The following GPR179 variants were observed in gnomAD, a reference collection of about 807,000 sequenced individuals.
The protein encoded by GPR179 is G protein-coupled receptor 179.
Under a neutral mutation model 70.8 loss-of-function variants are expected in GPR179, and 52 were observed. The ratio of observed to expected loss-of-function variants is 0.73; its 90% CI spans 0.59 to 0.93. GPR179 has a LOEUF of 0.93. GPR179 is among the 40% of genes least tolerant of loss of function. GPR179 has a pLI of 0.00. For missense variants in GPR179, 2,734 were observed against 2,966.8 expected (o/e 0.92, Z 1.82); for synonymous variants, 1,123 against 1,169.0 (o/e 0.96, Z 0.80).
In GPR179 at chr17:38,337,148, G is replaced by T; in HGVS notation, c.1057C>A (p.Leu353Met). 1 of 1,612,952 alleles carries T rather than the reference G, an allele frequency of 6.2e-7. No individual in the cohort carries two copies. The highest frequency in any genetic ancestry group is 8.5e-7 in the Non-Finnish European group (1 of 1,179,650). Residue 353 changes from leucine (L) to methionine (M), a missense_variant, in exon 4 of 11, where the codon CTG (leucine) becomes ATG (methionine). Transcript: ENST00000616987. ...TCAGGACATGGCAGACACTGCAGCA[G>T]TCTCCCAGATCTGCCTTCTGGGAAC... ...FGFPEGRSGRLLQCLPCPEGC... is the reference protein window; with the variant it reads ...FGFPEGRSGRMLQCLPCPEGC...
In GPR179 at chr17:38,329,650, G is replaced by A. The variant is rs765046358; in HGVS notation, c.3919C>T (p.Arg1307Trp). ...CTCACCAGCCTCTCTGGCTTTTTCC[G>A]CATCATGGGAACCACATCTATGGGC... ...SEPIDVVPMMRKKPERLVREQ... is the reference protein window; with the variant it reads ...SEPIDVVPMMWKKPERLVREQ... The change falls in exon 11 of 11, where the codon CGG (arginine) becomes TGG (tryptophan). Residue 1307 changes from arginine (R) to tryptophan (W), a missense_variant. Transcript: ENST00000616987. 3.1e-6 allele frequency: 5 copies of A among 1,613,990 alleles called. No homozygotes were observed. The highest frequency in any genetic ancestry group is 3.3e-5 in the Admixed American group (2 of 59,996).
chr17:38,332,108 C>T (rs1202826218), intron 10 of GPR179, among the ~76,000 whole-genome samples: 1 of 152,100 alleles, frequency 6.6e-6, no homozygotes, highest in Non-Finnish European at 1.5e-5. Context: ...CTCCCTGGCC[C>T]TTCAGCTGGA....
Position 38,327,464 on chromosome 17 carries a change from C to T in GPR179, c.6105G>A (p.Gln2035=). The change falls in exon 11 of 11, where the codon CAG becomes CAA. Residue 2035 remains glutamine (Q), a synonymous_variant. Transcript: ENST00000616987. ...CTTCTTGAGAGTCCCCTTTTCCATC[C>T]TGCCTTGACACCCCTTTGACAGGGA... ...ERIPVKGVSR[Q]DGKGDSQEEK... The T allele has an allele frequency of 6.2e-7, 1 of 1,614,228 alleles. No individual in the cohort carries two copies. The highest frequency in any genetic ancestry group is 1.1e-5 in the South Asian group (1 of 91,090).
In GPR179 at chr17:38,330,186, C is replaced by T. The variant is rs370214602; in HGVS notation, c.3383G>A (p.Arg1128Gln). 32 of 1,568,142 alleles carry T rather than the reference C, an allele frequency of 2.0e-5. No homozygotes were observed. Among genetic ancestry groups the T allele is most frequent in the Admixed American group, 1.6e-4 (9 of 54,692 alleles). ...TAGESMGAPSRSPRLGRPKAV... is the reference protein window; with the variant it reads ...TAGESMGAPSQSPRLGRPKAV... The stretch of plus-strand genomic sequence containing the variant: ...CTTGGGCCGGCCTAGCCTGGGCGAT[C>T]GGGAGGGTGCCCCCATACTCTCTCC... Residue 1128 changes from arginine (R) to glutamine (Q), a missense_variant, in exon 11 of 11, where the codon CGA becomes CAA. Transcript: ENST00000616987.
At chr17:38,336,027 G>A (rs747684487) in intron 5 of GPR179, 49 bp downstream of exon 5, 1 of 1,352,654 alleles carries the variant, frequency 7.4e-7, no homozygotes, top group Non-Finnish European at 1.1e-6. Flanking sequence ...CCAGGTTTTG[G>A]CTATGGGGGA....
At position 38,343,428 on chromosome 17, in the gene GPR179, G is replaced by A. The variant is rs981128467; in HGVS notation, c.362C>T (p.Ser121Phe). Reference sequence around the variant, plus strand: ...CCATTCCACATCCTCCTCCACACTGGACTCACGGATGTCGTTGGCTTGCAG... The same window carrying A: ...CCATTCCACATCCTCCTCCACACTGAACTCACGGATGTCGTTGGCTTGCAG... ...MLLQANDIRE[S>F]SVEEDVEWYQ... Residue 121 changes from serine to phenylalanine, a missense_variant, in exon 1 of 11, where the codon TCC becomes TTC. Transcript: ENST00000616987. This position sits in a 1 kb window ranked among gnomAD's most constrained non-coding sequence, Gnocchi z 4.2. 2 of 1,614,116 alleles carry A rather than the reference G, an allele frequency of 1.2e-6. No individual in the cohort carries two copies. Among genetic ancestry groups the A allele is most frequent in the Non-Finnish European group, 8.5e-7 (1 of 1,180,020 alleles).
rs11652443 is a variant in GPR179, at chr17:38,332,621, G to A, written c.2037+630C>T. ...GCTGGGGGCTGAGGCTTTTTTGTGT[G>A]TGTGTGTCAGAATCTTACTCTTTCA... is the stretch of plus-strand genomic sequence containing the variant. On this transcript the variant is annotated intron_variant, in intron 10 of 10. Coordinates refer to ENST00000616987, the MANE Select transcript of GPR179 (RefSeq NM_001004334.4). 4.3e-3 allele frequency among the ~76,000 whole-genome samples: 659 copies of A among 152,234 alleles called. 5 individuals are homozygous for A. The highest frequency in any genetic ancestry group is 6.2e-3 in the Non-Finnish European group (420 of 68,012).
Position 38,328,868 on chromosome 17 carries a change from GCT to G in GPR179, c.4699_4700del (p.Ser1567GlnfsTer32), listed in dbSNP as rs369324783. The G allele has an allele frequency of 5.0e-5, 80 of 1,613,380 alleles. No homozygotes were observed. The African/African-American group carries it at 9.2e-4, about 19-fold the overall frequency. On this transcript the variant is annotated frameshift_variant, in exon 11 of 11. Transcript: ENST00000616987. LOFTEE classifies it low-confidence loss of function (END_TRUNC). Reference sequence around the variant, plus strand: ...CCTGTGGACACACCTGCGTTGCTCTGCTTCCTCCATTGCATAGGAATTGGCTA... The same window carrying G: ...CCTGTGGACACACCTGCGTTGCTCTGTCCTCCATTGCATAGGAATTGGCTA... ...AGSQFLCNGG[S>X]RATQVCPQED...
At position 38,334,137 on chromosome 17, in the gene GPR179, C is replaced by T. The variant is rs148229950; in HGVS notation, c.1785-99G>A. On this transcript the variant is annotated intron_variant, in intron 8 of 10. Transcript: ENST00000616987. This position sits in a 1 kb window ranked among gnomAD's most constrained non-coding sequence, Gnocchi z 4.7. ...TTTCACCTCAGCCCCAACCCTGATACGCTTAGGACGAGGGGGCATTCTGCC... is the reference window on the plus strand; with the variant it reads ...TTTCACCTCAGCCCCAACCCTGATATGCTTAGGACGAGGGGGCATTCTGCC... 43 of 847,020 alleles carry T rather than the reference C, an allele frequency of 5.1e-5. No homozygotes were observed. Among genetic ancestry groups the T allele is most frequent in the African/African-American group, 4.7e-4 (28 of 59,550 alleles). The allele number at this position is 847,020 out of a possible 1,614,324, so 52.5% of individuals were successfully genotyped here.
In GPR179 at chr17:38,335,014, C is replaced by G; in HGVS notation, c.1645+19G>C. On this transcript the variant is annotated intron_variant, in intron 7 of 10. Transcript: ENST00000616987. ...AGGCAGGGACCAGCGTAAGGCTGGG[C>G]TCAGCAGAAGCAGCTCACCCACAAC... The G allele has an allele frequency of 6.2e-7, 1 of 1,603,226 alleles. No individual in the cohort carries two copies. Among genetic ancestry groups the G allele is most frequent in the Non-Finnish European group, 8.5e-7 (1 of 1,171,418 alleles).
chr17:38,339,383 C>T (rs776308683), intron 2 of GPR179, 34 bp downstream of exon 2: 3 of 1,388,150 alleles, frequency 2.2e-6, no homozygotes, highest in Non-Finnish European at 3.1e-6. Context: ...GGAGGCAGGA[C>T]TCTAGTAGCG....
rs2037460526 is a variant in GPR179 at position 38,342,861 on chromosome 17, T to C, written c.794+135A>G. 3 of 819,832 alleles carry C rather than the reference T, an allele frequency of 3.7e-6. No homozygotes were observed. In the East Asian group the frequency reaches 7.4e-5, roughly 20 times the overall value. 50.8% of individuals were successfully genotyped at this position (819,832 alleles called of 1,614,324 possible). On this transcript the variant is annotated intron_variant, in intron 1 of 10. Transcript: ENST00000616987. The stretch of plus-strand genomic sequence containing the variant: ...CCGACTGTAAGTACACACAGCTGAG[T>C]ACAAATACCCACATCTGTGTGCCCC...
chr17:38,343,182 GT>G lies in GPR179; in HGVS notation c.607del (p.Thr203ProfsTer4). 1 of 1,614,136 alleles carries G rather than the reference GT, an allele frequency of 6.2e-7. No homozygotes were observed. ...DTPALKKRVL[T>X]NDLGSLGSPK... ...GCTGCCGAGGCTCCCTAGGTCATTG[GT>G]CAACACTCGCTTCTTCAGGGCAGGG... On this transcript the variant is annotated frameshift_variant, in exon 1 of 11. Coordinates refer to ENST00000616987, the MANE Select transcript of GPR179 (RefSeq NM_001004334.4). LOFTEE classifies it high-confidence loss of function. This position sits in a 1 kb window ranked among gnomAD's most constrained non-coding sequence, Gnocchi z 4.2.
chr17:38,324,917 A>G lies in GPR179; in HGVS notation c.*1548T>C, dbSNP rs935814127. 6.6e-6 allele frequency among the ~76,000 whole-genome samples: 1 copy of G among 152,164 alleles called. No homozygotes were observed. The highest frequency in any genetic ancestry group is 2.4e-5 in the African/African-American group (1 of 41,426). ...TCTCTGTGAAGTCCCATAACCGCCC[A>G]GCATATTTACATGCAGACTAGATGT... On this transcript the variant is annotated 3_prime_UTR_variant, in exon 11 of 11. Transcript: ENST00000616987.
rs771476393 is a variant in GPR179 at position 38,328,084 on chromosome 17, T to C, written c.5485A>G (p.Lys1829Glu). 5.6e-6 allele frequency: 9 copies of C among 1,613,996 alleles called. No individual in the cohort carries two copies. Among genetic ancestry groups the C allele is most frequent in the Non-Finnish European group, 7.6e-6 (9 of 1,180,028 alleles). Residue 1829 changes from lysine to glutamate, a missense_variant, in exon 11 of 11, where the codon AAG becomes GAG. Lys to Glu is a moderately conservative substitution (Grantham distance 56). Transcript: ENST00000616987. Reference protein sequence around the residue: ...PWEVSEGTTGKGLDQKAGSES... With the variant: ...PWEVSEGTTGEGLDQKAGSES... ...CTCCCTGCCTTTTGGTCCAATCCCT[T>C]CCCAGTAGTTCCTTCACTTACCTCC...
rs2144257488 is a variant in GPR179, at chr17:38,328,473, G to A, written c.5096C>T (p.Ala1699Val). 1 of 1,613,750 alleles carries A rather than the reference G, an allele frequency of 6.2e-7. No homozygotes were observed. The highest frequency in any genetic ancestry group is 2.2e-5 in the East Asian group (1 of 44,860). Residue 1699 changes from alanine (A) to valine (V), a missense_variant, in exon 11 of 11, where the codon GCT becomes GTT. Physicochemically the swap from Ala to Val is moderately conservative, Grantham distance 64. Transcript: ENST00000616987. ...CPLDVEENLT[A>V]GKAEICPWEV... is the part of the protein sequence containing the mutation. ...CCAGGGACAGATTTCTGCCTTCCCAGCAGTCAAGTTTTCCTCCACATCCAA... is the reference window on the plus strand; with the variant it reads ...CCAGGGACAGATTTCTGCCTTCCCAACAGTCAAGTTTTCCTCCACATCCAA...
chr17:38,332,463 G>A (rs548219343), intron 10 of GPR179, among the ~76,000 whole-genome samples: 8 of 152,304 alleles, frequency 5.3e-5, no homozygotes, highest in Admixed American at 1.3e-4. Context: ...TGTAGACCCA[G>A]GAAGAACTTC....
rs1482187377 is a variant in GPR179, at chr17:38,327,883, T to G, written c.5686A>C (p.Ser1896Arg). 3.1e-6 allele frequency: 5 copies of G among 1,614,182 alleles called. No individual in the cohort carries two copies. Among genetic ancestry groups the G allele is most frequent in the Non-Finnish European group, 4.2e-6 (5 of 1,180,030 alleles). The part of the protein sequence containing the change: ...AQAPKISDLP[S>R]SMSSEVAEGH... ...TCTGCCACTTCACTACTCATGCTGC[T>G]GGGCAAGTCTGAGATCTTGGGGGCC... The change falls in exon 11 of 11, where the codon AGC becomes CGC. Residue 1896 changes from serine (S) to arginine (R), a missense_variant. Ser to Arg is a moderately radical substitution (Grantham distance 110). Coordinates refer to ENST00000616987, the MANE Select transcript of GPR179 (RefSeq NM_001004334.4).
At chr17:38,336,232 C>G (rs60359533) in intron 4 of GPR179, 88 bp from the exon 5 acceptor site, 3 of 906,732 alleles carry the variant, frequency 3.3e-6, no homozygotes. Flanking sequence ...ACTCAGTGAC[C>G]CTGAGCTAAG....
Sources: gnomAD v4.1 joint callset for allele counts (sites outside exome capture counted in the v4.1 genomes callset) on GRCh38, gnomAD v4.1.1 for gene constraint, Gnocchi (gnomAD v3.1) non-coding constraint, MANE v1.5 for transcripts, NCBI Gene and HGNC (gene_info 2026-07-23, HGNC 2026-07-21) for gene names.